Variants in CSMD1 observed in about 807,000 individuals in gnomAD.
CSMD1 encodes CUB and Sushi multiple domains 1.
CSMD1 carries 213 observed loss-of-function variants against 417.5 expected under a neutral mutation model. The ratio of observed to expected loss-of-function variants is 0.51; its 90% CI spans 0.46 to 0.57. CSMD1 has a LOEUF of 0.57. Among genes scored for constraint, CSMD1 ranks in the 20% least tolerant of loss-of-function variants. The pLI is 0.00. For synonymous variants in CSMD1, 2,862 were observed against 1,736.8 expected, an observed-to-expected ratio of 1.65 and a Z score of -16.11; for missense variants, 6,923 against 4,529.7, an observed-to-expected ratio of 1.53 and a Z score of -15.17.
chr8:3,747,993 C>T (rs545027820), intron 6 of CSMD1, among the ~76,000 whole-genome samples: 7 of 151,958 alleles, frequency 4.6e-5, no homozygotes, highest in East Asian at 1.9e-4. Context: ...CCAAGGTGGA[C>T]GTGATTATTT....
rs1025619430 is a variant in CSMD1, at chr8:4,517,232, C to G, written c.303-97167G>C. 5.9e-5 allele frequency among the ~76,000 whole-genome samples: 9 copies of G among 152,236 alleles called. No individual in the cohort carries two copies. In the East Asian group the frequency reaches 1.7e-3, roughly 29 times the overall value. ...TATCATATTACAATCAAGGCCTATA[C>G]ATAAACAATGAAATAATCATTCAGA... On this transcript the variant is annotated intron_variant, in intron 2 of 69. Transcript: ENST00000635120.
intron 26 of CSMD1, among the ~76,000 whole-genome samples, chr8:3,261,946 C>A (rs536304005): frequency 6.6e-6 from 1 of 151,692 alleles, no homozygotes. Flanking sequence ...TCAATGTCAA[C>A]GCGTGGGCTG....
At chr8:4,231,442 A>G (rs1052564087) in intron 3 of CSMD1, among the ~76,000 whole-genome samples, 3 of 152,238 alleles carry the variant, frequency 2.0e-5, no homozygotes, top group Non-Finnish European at 2.9e-5. Flanking sequence ...TGATAGGTGT[A>G]GAGATCAGAC....
chr8:4,163,388 A>G (rs1256680168), intron 3 of CSMD1, among the ~76,000 whole-genome samples: 1 of 152,226 alleles, frequency 6.6e-6, no homozygotes, highest in Non-Finnish European at 1.5e-5. Flanking sequence ...TATCCAAGAC[A>G]GCAATCTACA....
At chr8:4,868,221 A>AT (rs781066099) in intron 1 of CSMD1, among the ~76,000 whole-genome samples, 25 of 152,056 alleles carry the variant, frequency 1.6e-4, no homozygotes, top group Non-Finnish European at 3.4e-4. Flanking sequence ...TCTGTATGTT[A>AT]TTTTATTAGT....
At chr8:3,603,065 A>G (rs1801438192) in intron 8 of CSMD1, among the ~76,000 whole-genome samples, 1 of 152,202 alleles carries the variant, frequency 6.6e-6, no homozygotes, top group Admixed American at 6.5e-5. Flanking sequence ...GTTTAGCCAC[A>G]CAAATATGAT....
chr8:4,016,341 C>G (rs1277480571), intron 4 of CSMD1, among the ~76,000 whole-genome samples: 2 of 152,100 alleles, frequency 1.3e-5, no homozygotes, highest in African/African-American at 4.8e-5. Context: ...AACTGACTCT[C>G]AGACATTTTG....
chr8:4,701,387 C>T (rs927538385), intron 1 of CSMD1, among the ~76,000 whole-genome samples: 1 of 151,620 alleles, frequency 6.6e-6, no homozygotes, highest in Admixed American at 6.6e-5. Context: ...CCTAACAGAG[C>T]ACCCAGGATG....
chr8:4,758,530 G>C (rs1225978709), intron 1 of CSMD1, among the ~76,000 whole-genome samples: 1 of 152,180 alleles, frequency 6.6e-6, no homozygotes, highest in Non-Finnish European at 1.5e-5. Flanking sequence ...GAAGGAAGTA[G>C]TGAGAGGCAG....
intron 4 of CSMD1, among the ~76,000 whole-genome samples, chr8:4,020,280 T>C (rs866099649): frequency 6.6e-6 from 1 of 152,214 alleles, no homozygotes; most frequent in Admixed American, 6.5e-5. Context: ...TTGCCCCAGG[T>C]GACCAGTGCA....
intron 15 of CSMD1, among the ~76,000 whole-genome samples, chr8:3,401,479 G>A (rs558859574): frequency 5.3e-5 from 8 of 152,188 alleles, no homozygotes; most frequent in South Asian, 4.1e-4. Context: ...TAACACTGCC[G>A]ATGAGCAAAA....
chr8:4,986,090 T>A (rs547727535), intron 1 of CSMD1, among the ~76,000 whole-genome samples: 1 of 152,326 alleles, frequency 6.6e-6, no homozygotes, highest in Non-Finnish European at 1.5e-5. Flanking sequence ...AAAGGGATAG[T>A]TTGAAATGTG....
At chr8:3,158,277 A>ATTT (rs34501639) in intron 38 of CSMD1, among the ~76,000 whole-genome samples, 27 of 150,180 alleles carry the variant, frequency 1.8e-4, no homozygotes, top group African/African-American at 6.1e-4. Context: ...CAAAATATGC[A>ATTT]TTTTTTTTTT....
chr8:3,537,260 C>T (rs1042728360), intron 10 of CSMD1, among the ~76,000 whole-genome samples: 1 of 152,180 alleles, frequency 6.6e-6, no homozygotes, highest in East Asian at 1.9e-4. Context: ...GCCTTGGCCT[C>T]CCAAAGTGCT....
At chr8:4,536,275 A>C in intron 2 of CSMD1, among the ~76,000 whole-genome samples, 1 of 152,222 alleles carries the variant, frequency 6.6e-6, no homozygotes, top group East Asian at 1.9e-4. Context: ...AAAATCTACA[A>C]ACATGTTCTA....
intron 5 of CSMD1, among the ~76,000 whole-genome samples, chr8:3,911,686 A>G (rs374757989): frequency 1.3e-3 from 195 of 152,276 alleles, no homozygotes; most frequent in African/African-American, 3.9e-3. Flanking sequence ...CGGAGCTGCC[A>G]TAAGCACTCC....
chr8:3,558,590 CAAT>C (rs1799312467), intron 10 of CSMD1, among the ~76,000 whole-genome samples: 1 of 126,614 alleles, frequency 7.9e-6, no homozygotes, highest in African/African-American at 4.0e-5. Context: ...AATGGTGTCT[CAAT>C]AGTACCCCGT....
intron 2 of CSMD1, among the ~76,000 whole-genome samples, chr8:4,553,972 C>G (rs1797982944): frequency 6.6e-6 from 1 of 152,162 alleles, no homozygotes; most frequent in Non-Finnish European, 1.5e-5. Context: ...ACGCTGATGT[C>G]TGCTGGCATG....
chr8:4,363,818 T>A (rs1344757414), intron 3 of CSMD1, among the ~76,000 whole-genome samples: 1 of 152,298 alleles, frequency 6.6e-6, no homozygotes, highest in East Asian at 1.9e-4. Flanking sequence ...ATTCATCACA[T>A]GTTCTCACTT....
Sources: gnomAD v4.1 joint callset for allele counts (sites outside exome capture counted in the v4.1 genomes callset) on GRCh38, gnomAD v4.1.1 for gene constraint, MANE v1.5 for transcripts, NCBI Gene and HGNC (gene_info 2026-07-23, HGNC 2026-07-21) for gene names.